Variants in POU6F2 observed in about 807,000 individuals in gnomAD.
POU6F2 encodes the protein POU domain, class 6, transcription factor 2.
Under a neutral mutation model 71.3 loss-of-function variants are expected in POU6F2, and 31 were observed. That is an observed-to-expected ratio of 0.43 (90% CI 0.33 to 0.59). The LOEUF is 0.59. POU6F2 is among the 20% of genes least tolerant of loss of function. The pLI is 0.04. For synonymous variants in POU6F2, 347 were observed against 355.7 expected (o/e 0.98, Z 0.27); for missense variants, 783 against 856.8 (o/e 0.91, Z 1.07).
chr7:39,090,877 A>G (rs1392685981), intron 2 of POU6F2, among the ~76,000 whole-genome samples: 3 of 152,194 alleles, frequency 2.0e-5, no homozygotes, highest in Non-Finnish European at 4.4e-5. Context: ...AGTGAGATGC[A>G]TAAGGTATTT....
intron 1 of POU6F2, among the ~76,000 whole-genome samples, chr7:39,070,848 C>T (rs1001886064): frequency 3.3e-5 from 5 of 152,152 alleles, no homozygotes; most frequent in Admixed American, 6.5e-5. Flanking sequence ...TTACTTATTT[C>T]GCTTTTGCCT....
At chr7:39,277,510 T>A (rs1006947823) in intron 4 of POU6F2, among the ~76,000 whole-genome samples, 1 of 152,066 alleles carries the variant, frequency 6.6e-6, no homozygotes, top group African/African-American at 2.4e-5. Flanking sequence ...CAATATTTGG[T>A]TTTCTATTTC....
At chr7:39,063,980 A>T (rs1001117397) in intron 1 of POU6F2, among the ~76,000 whole-genome samples, 24 of 152,076 alleles carry the variant, frequency 1.6e-4, no homozygotes, top group Non-Finnish European at 3.1e-4. Context: ...CGGCTGATAC[A>T]CCACCCACAT....
At chr7:39,078,163 GC>G (rs1791036022) in intron 1 of POU6F2, among the ~76,000 whole-genome samples, 1 of 152,116 alleles carries the variant, frequency 6.6e-6, no homozygotes, top group Admixed American at 6.5e-5. Flanking sequence ...TATTAAACAC[GC>G]TTTTATTGCC....
In POU6F2 at chr7:39,406,649, TGA is replaced by T. The variant is rs771329494; in HGVS notation, c.1024_1025del (p.Ser342LeufsTer25). Reference sequence around the variant, plus strand: ...CAGGCTGCAGCGGCTGCAGCAGCCATGAGCTCCATAGCAAGCTCACAGGCCTT... The same window carrying T: ...CAGGCTGCAGCGGCTGCAGCAGCCATGCTCCATAGCAAGCTCACAGGCCTT... On this transcript the variant is annotated frameshift_variant, in exon 6 of 10. Transcript: ENST00000518318. LOFTEE classifies it high-confidence loss of function. 6.2e-7 allele frequency: 1 copy of T among 1,613,798 alleles called. No individual in the cohort carries two copies.
At chr7:39,384,200 T>C (rs957457546) in intron 5 of POU6F2, among the ~76,000 whole-genome samples, 3 of 152,218 alleles carry the variant, frequency 2.0e-5, no homozygotes, top group Admixed American at 6.5e-5. Flanking sequence ...AGGAATTTTA[T>C]TGGTCGTGGC....
chr7:39,039,952 A>G (rs1398520890), intron 1 of POU6F2, among the ~76,000 whole-genome samples: 1 of 118,176 alleles, frequency 8.5e-6, no homozygotes, highest in African/African-American at 2.9e-5. Flanking sequence ...CCTGGGCTTA[A>G]GTGGGTTGTA....
intron 5 of POU6F2, among the ~76,000 whole-genome samples, chr7:39,343,954 C>A (rs1219918902): frequency 6.6e-6 from 1 of 152,134 alleles, no homozygotes; most frequent in Admixed American, 6.5e-5. Flanking sequence ...GGAGGACAAA[C>A]ATAAGTGGGA....
intron 2 of POU6F2, among the ~76,000 whole-genome samples, chr7:39,147,949 A>C (rs1481979200): frequency 6.6e-6 from 1 of 152,232 alleles, no homozygotes; most frequent in African/African-American, 2.4e-5. Context: ...AATCTTCTAA[A>C]GTAGTTTTTA....
chr7:39,048,369 C>G (rs1484804003), intron 1 of POU6F2, among the ~76,000 whole-genome samples: 1 of 151,794 alleles, frequency 6.6e-6, no homozygotes, highest in Non-Finnish European at 1.5e-5. Flanking sequence ...TCTCACCCTG[C>G]ACCCTCAAGT....
chr7:39,023,162 GT>G (rs1222103870), intron 1 of POU6F2, among the ~76,000 whole-genome samples: 1 of 151,878 alleles, frequency 6.6e-6, no homozygotes, highest in Non-Finnish European at 1.5e-5. Flanking sequence ...TATTATTCAA[GT>G]TTTTTGCCTA....
intron 2 of POU6F2, among the ~76,000 whole-genome samples, chr7:39,114,095 C>G (rs1182712409): frequency 6.6e-6 from 1 of 152,106 alleles, no homozygotes; most frequent in Non-Finnish European, 1.5e-5. Flanking sequence ...ATGCATGTAC[C>G]TATAGGTAAA....
At chr7:39,288,271 C>G (rs1362280078) in intron 4 of POU6F2, among the ~76,000 whole-genome samples, 1 of 152,180 alleles carries the variant, frequency 6.6e-6, no homozygotes, top group Non-Finnish European at 1.5e-5. Flanking sequence ...TGCAATAAGA[C>G]AGACCTGAGT....
chr7:39,253,200 G>C (rs754355556), intron 4 of POU6F2, among the ~76,000 whole-genome samples: 1 of 152,234 alleles, frequency 6.6e-6, no homozygotes, highest in Non-Finnish European at 1.5e-5. Context: ...GCTCCCAGGA[G>C]CTACATGGAA....
intron 2 of POU6F2, among the ~76,000 whole-genome samples, chr7:39,169,458 A>G (rs1180613013): frequency 6.6e-6 from 1 of 152,236 alleles, no homozygotes; most frequent in Non-Finnish European, 1.5e-5. Flanking sequence ...AACAACCAAC[A>G]ACAAAAACCT....
intron 5 of POU6F2, among the ~76,000 whole-genome samples, chr7:39,397,441 A>G (rs912605067): frequency 6.9e-6 from 1 of 145,628 alleles, no homozygotes; most frequent in Non-Finnish European, 1.5e-5. Flanking sequence ...ATGTATTTAT[A>G]TATAAAATAT....
intron 5 of POU6F2, among the ~76,000 whole-genome samples, chr7:39,345,050 C>T (rs545225818): frequency 1.7e-4 from 26 of 152,172 alleles, no homozygotes; most frequent in Non-Finnish European, 2.8e-4. Context: ...TCAAAATGAA[C>T]GCCAAAAGTC....
intron 7 of POU6F2, among the ~76,000 whole-genome samples, chr7:39,434,733 G>A (rs2116039252): frequency 6.6e-6 from 1 of 152,012 alleles, no homozygotes; most frequent in East Asian, 1.9e-4. Flanking sequence ...AGGTATATGT[G>A]TGCCATGGTG....
chr7:39,220,814 G>A (rs547031307), intron 4 of POU6F2, among the ~76,000 whole-genome samples: 3 of 152,140 alleles, frequency 2.0e-5, no homozygotes, highest in African/African-American at 4.8e-5. Flanking sequence ...CTTAGTAAGT[G>A]CACAATGAAT....
Sources: allele counts gnomAD v4.1 joint callset (sites outside exome capture counted in the v4.1 genomes callset), GRCh38; gene constraint gnomAD v4.1.1; transcripts MANE v1.5; gene names NCBI Gene and HGNC (gene_info 2026-07-23, HGNC 2026-07-21).